Variants in KRT23 observed in about 807,000 individuals in gnomAD.
KRT23 encodes the protein keratin, type I cytoskeletal 23.
KRT23 carries 38 observed loss-of-function variants against 47.6 expected under a neutral mutation model. The ratio of observed to expected loss-of-function variants is 0.80; its 90% confidence interval spans 0.62 to 1.05. The LOEUF is 1.05. KRT23 is among the 50% of genes least tolerant of loss of function. The pLI is 0.00. For synonymous variants in KRT23, 191 were observed against 199.0 expected, an observed-to-expected ratio of 0.96 and a Z score of 0.34; for missense variants, 503 against 529.5, an observed-to-expected ratio of 0.95 and a Z score of 0.49.
At chr17:40,923,178 T>G in intron 8 of KRT23, 95 bp from the exon 9 acceptor site, 1 of 879,126 alleles carries the variant, frequency 1.1e-6, no homozygotes, top group Non-Finnish European at 1.9e-6. Context: ...CCCTGAAGGC[T>G]CTCAGTGCCT....
chr17:40,931,118 TC>T (rs1909641320), intron 3 of KRT23, among the ~76,000 whole-genome samples: 1 of 150,388 alleles, frequency 6.6e-6, no homozygotes, highest in Non-Finnish European at 1.5e-5. Context: ...TTCAAGTGAT[TC>T]TCCTGCCTCA....
At chr17:40,930,371 C>A (rs183704520) in intron 3 of KRT23, among the ~76,000 whole-genome samples, 1 of 152,122 alleles carries the variant, frequency 6.6e-6, no homozygotes, top group Admixed American at 6.5e-5. Context: ...GCCATATTTG[C>A]TTCATCTATT....
rs140212001 is a variant in KRT23, at chr17:40,934,663, C to T, written c.396+1545G>A. ...ATGAGGTGGGCTAGGCAGCACTACA[C>T]TGTAGTGAAATTTATGAGGCTACTG... On this transcript the variant is annotated intron_variant, in intron 2 of 8. Transcript: ENST00000209718. Among the ~76,000 whole-genome samples the T allele has an allele frequency of 3.0e-4, 46 of 152,332 alleles. No individual in the cohort carries two copies. In the East Asian group the frequency reaches 6.2e-3, roughly 20 times the overall value.
chr17:40,936,131 C>T, intron 2 of KRT23, 77 bp downstream of exon 2: 2 of 1,513,826 alleles, frequency 1.3e-6, no homozygotes, highest in South Asian at 2.3e-5. Context: ...AAATTGTCTT[C>T]TGGACTCATT....
rs750334193 is a variant in KRT23, at chr17:40,923,042, T to C, written c.1216A>G (p.Ile406Val). 1.2e-6 allele frequency: 2 copies of C among 1,614,154 alleles called. No individual in the cohort carries two copies. Among genetic ancestry groups the C allele is most frequent in the South Asian group, 1.1e-5 (1 of 91,080 alleles). Residue 406 changes from isoleucine to valine, a missense_variant, in exon 9 of 9, where the codon ATC becomes GTC. Transcript: ENST00000209718. Reference sequence around the variant, plus strand: ...TGACAAAGAACTAATCTTCCGTTGATGGTCTCCTGGGTTATGGCCTTGATC... The same window carrying C: ...TGACAAAGAACTAATCTTCCGTTGACGGTCTCCTGGGTTATGGCCTTGATC... ...PKIKAITQET[I>V]NGRLVLCQVN... is the part of the protein sequence containing the mutation.
In KRT23 at chr17:40,936,798, C is replaced by A; in HGVS notation, c.-195G>T. On this transcript the variant is annotated 5_prime_UTR_variant, in exon 2 of 9. Coordinates refer to ENST00000209718, the MANE Select transcript of KRT23 (RefSeq NM_015515.5). ...TGGTCAATCCCAAAGTGCCCCTGGGCCTTCGCACACTGTTGTTGTTTAGAG... is the reference window on the plus strand; with the variant it reads ...TGGTCAATCCCAAAGTGCCCCTGGGACTTCGCACACTGTTGTTGTTTAGAG... 1 of 453,014 alleles carries A rather than the reference C, an allele frequency of 2.2e-6. No homozygotes were observed. Among genetic ancestry groups the A allele is most frequent in the Non-Finnish European group, 3.8e-6 (1 of 262,478 alleles). 28.1% of individuals were successfully genotyped at this position (453,014 alleles called of 1,614,324 possible). A position where few individuals can be genotyped will look rare whatever the true frequency, so the allele number is the denominator to read the frequency against.
At position 40,933,503 on chromosome 17, in the gene KRT23, C is replaced by T. The variant is rs185077037; in HGVS notation, c.397-2048G>A. ...GTGCACTGAGGTTTTCTATTTGACA[C>T]ACACTATGAGGTGTTAATCTACATC... On this transcript the variant is annotated intron_variant, in intron 2 of 8. Transcript: ENST00000209718. Among the ~76,000 whole-genome samples, 114 of 152,326 alleles carry T rather than the reference C, an allele frequency of 7.5e-4. 1 individual carries two copies. Among genetic ancestry groups the T allele is most frequent in the Non-Finnish European group, 1.3e-3 (90 of 68,036 alleles).
At chr17:40,931,270 A>G (rs1909656738) in intron 3 of KRT23, 103 bp downstream of exon 3, 1 of 806,014 alleles carries the variant, frequency 1.2e-6, no homozygotes, top group Non-Finnish European at 2.1e-6. Flanking sequence ...TTGGCCTCCC[A>G]AAGTGCTGGG....
intron 8 of KRT23, 38 bp from the exon 9 acceptor site, chr17:40,923,121 T>C: frequency 7.0e-6 from 10 of 1,421,140 alleles, no homozygotes; most frequent in Non-Finnish European, 1.0e-5. Context: ...CTGCCATGCT[T>C]CTTCCACCAT....
chr17:40,932,909 A>G (rs1909795650), intron 2 of KRT23, among the ~76,000 whole-genome samples: 1 of 152,194 alleles, frequency 6.6e-6, no homozygotes, highest in African/African-American at 2.4e-5. Flanking sequence ...TGGCTGGGTG[A>G]GATTGGCTGA....
At chr17:40,933,880 C>A (rs750260051) in intron 2 of KRT23, among the ~76,000 whole-genome samples, 2 of 152,166 alleles carry the variant, frequency 1.3e-5, no homozygotes, top group Non-Finnish European at 2.9e-5. Flanking sequence ...TCAGTTCATT[C>A]TTTTAAAAGC....
At chr17:40,934,665 G>A (rs1213586792) in intron 2 of KRT23, among the ~76,000 whole-genome samples, 1 of 152,226 alleles carries the variant, frequency 6.6e-6, no homozygotes, top group African/African-American at 2.4e-5. Context: ...GCACTACACT[G>A]TAGTGAAATT....
intron 4 of KRT23, 95 bp downstream of exon 4, chr17:40,929,845 A>G (rs1030161789): frequency 9.5e-7 from 1 of 1,051,646 alleles, no homozygotes; most frequent in Admixed American, 2.3e-5. Flanking sequence ...GGGGATTGGC[A>G]TCCAGGTGGT....
At chr17:40,928,393 T>A in intron 5 of KRT23, 33 bp from the exon 6 acceptor site, 1 of 1,614,168 alleles carries the variant, frequency 6.2e-7, no homozygotes, top group Non-Finnish European at 8.5e-7. Flanking sequence ...GGCGTCAGCA[T>A]TGGGACCTCA....
At chr17:40,923,167 C>T (rs1290995379) in intron 8 of KRT23, 84 bp from the exon 9 acceptor site, 6 of 1,029,748 alleles carry the variant, frequency 5.8e-6, no homozygotes, top group East Asian at 2.4e-5. Flanking sequence ...CTGCTGTCAG[C>T]CCCTGAAGGC....
At chr17:40,924,993 ATC>A (rs1909134000) in intron 7 of KRT23, among the ~76,000 whole-genome samples, 1 of 74,042 alleles carries the variant, frequency 1.4e-5, no homozygotes, top group Non-Finnish European at 2.2e-5. Context: ...GCTCATATGC[ATC>A]TTTTTTTTTT....
intron 8 of KRT23, 99 bp downstream of exon 8, chr17:40,924,373 G>C (rs1351171076): frequency 5.5e-6 from 5 of 916,038 alleles, no homozygotes; most frequent in Non-Finnish European, 8.7e-6. Context: ...TTGAACCCAG[G>C]ACATTTGGGA....
Position 40,931,598 on chromosome 17 carries a change from A to G in KRT23, c.397-143T>C, listed in dbSNP as rs1423899809. On this transcript the variant is annotated intron_variant, in intron 2 of 8. Transcript: ENST00000209718. ...TTGTTCTGGCAGTGGAACAATGAAT[A>G]ACCGAATCAGTAAATGCTTAGTGAG... 7.8e-6 allele frequency: 5 copies of G among 637,892 alleles called. No individual in the cohort carries two copies. In the Admixed American group the frequency reaches 1.3e-4, roughly 17 times the overall value. The allele number at this position is 637,892 out of a possible 1,614,324, so 39.5% of individuals were successfully genotyped here.
chr17:40,929,865 T>C, intron 4 of KRT23, 75 bp downstream of exon 4: 1 of 1,382,366 alleles, frequency 7.2e-7, no homozygotes, highest in African/African-American at 1.4e-5. Context: ...TGGTTTCTTC[T>C]GTAGCTGTCG....
Sources: allele counts gnomAD v4.1 joint callset (sites outside exome capture counted in the v4.1 genomes callset), GRCh38; gene constraint gnomAD v4.1.1; transcripts MANE v1.5; gene names NCBI Gene and HGNC (gene_info 2026-07-23, HGNC 2026-07-21).